The following TSHZ2 variants were observed in gnomAD, a reference collection of about 807,000 sequenced individuals.
TSHZ2 encodes teashirt homolog 2.
A neutral mutation model predicts 74.4 loss-of-function variants in TSHZ2; 21 were observed. The observed-to-expected ratio is 0.28, with a 90% CI of 0.20 to 0.41. The LOEUF (loss-of-function observed/expected upper bound fraction) is 0.41. Among genes scored for constraint, TSHZ2 ranks in the 10% least tolerant of loss-of-function variants. The pLI is 1.00. For synonymous variants in TSHZ2, 540 were observed against 515.3 expected (o/e 1.05, Z -0.65); for missense variants, 1,244 against 1,293.5 (o/e 0.96, Z 0.59).
chr20:53,337,350 A>G (rs1979993981), intron 2 of TSHZ2, among the ~76,000 whole-genome samples: 1 of 152,244 alleles, frequency 6.6e-6, no homozygotes, highest in Non-Finnish European at 1.5e-5. Flanking sequence ...TGCCATGTTG[A>G]CACATAAAAC....
chr20:53,317,933 C>T (rs1233553554), intron 2 of TSHZ2, among the ~76,000 whole-genome samples: 1 of 152,192 alleles, frequency 6.6e-6, no homozygotes, highest in Non-Finnish European at 1.5e-5. Flanking sequence ...ATGGCCTCAA[C>T]AAGTCTGTGA....
chr20:53,043,826 A>G (rs1568733408), intron 1 of TSHZ2, among the ~76,000 whole-genome samples: 1 of 152,148 alleles, frequency 6.6e-6, no homozygotes, highest in Non-Finnish European at 1.5e-5. Flanking sequence ...GTTTTCATGG[A>G]CAGCCAATGC....
At chr20:52,975,419 T>C (rs1222505366) in intron 1 of TSHZ2, among the ~76,000 whole-genome samples, 1 of 152,138 alleles carries the variant, frequency 6.6e-6, no homozygotes, top group Non-Finnish European at 1.5e-5. Context: ...AGGATCCAGG[T>C]GTACGTAACA....
At chr20:52,994,352 A>G (rs934930942) in intron 1 of TSHZ2, among the ~76,000 whole-genome samples, 1 of 151,736 alleles carries the variant, frequency 6.6e-6, no homozygotes, top group Non-Finnish European at 1.5e-5. Flanking sequence ...ATGAATGGAT[A>G]GATGGATTGA....
In TSHZ2 at chr20:53,133,969, G is replaced by GGAAAAAA. The variant is rs561152326; in HGVS notation, c.41-119530_41-119529insGAAAAAA. Among the ~76,000 whole-genome samples the GGAAAAAA allele has an allele frequency of 1.5e-3, 198 of 127,920 alleles. 1 individual carries two copies. The highest frequency in any genetic ancestry group is 5.6e-3 in the African/African-American group (188 of 33,528). 83.9% of individuals were successfully genotyped at this position (127,920 alleles called of 152,430 possible). On this transcript the variant is annotated intron_variant, in intron 1 of 2. Transcript: ENST00000371497. ...TGATAGATTTTTTACCATTTTTTCTGAAAAAAAAAAAAAAATAGGCCACGT... is the reference window on the plus strand; with the variant it reads ...TGATAGATTTTTTACCATTTTTTCTGGAAAAAAAAAAAAAAAAAAAAATAGGCCACGT...
Position 53,456,180 on chromosome 20 carries a change from G to C in TSHZ2, c.*9-30964G>C, listed in dbSNP as rs1182458920. ...GAACTAGTTTACAGTCCCACCAACA[G>C]TGTAAAAGTGTTCCTATTTCTCCAC... is the stretch of plus-strand genomic sequence containing the variant. On this transcript the variant is annotated intron_variant, in intron 2 of 2. Coordinates refer to ENST00000371497, the MANE Select transcript of TSHZ2 (RefSeq NM_173485.6). 2.0e-5 allele frequency among the ~76,000 whole-genome samples: 3 copies of C among 150,438 alleles called. No homozygotes were observed. The East Asian group carries it at 5.9e-4, about 29-fold the overall frequency.
intron 1 of TSHZ2, among the ~76,000 whole-genome samples, chr20:53,237,483 G>C (rs1036574118): frequency 7.0e-6 from 1 of 143,646 alleles, no homozygotes; most frequent in African/African-American, 2.8e-5. Context: ...GCCCTGCTCT[G>C]TCTCTCTCTT....
intron 2 of TSHZ2, among the ~76,000 whole-genome samples, chr20:53,297,328 C>T (rs573289247): frequency 1.6e-4 from 24 of 147,972 alleles, no homozygotes; most frequent in African/African-American, 5.5e-4. Context: ...AGGCTCACTG[C>T]AGCCTTGACC....
intron 1 of TSHZ2, among the ~76,000 whole-genome samples, chr20:53,211,725 TAAAG>T (rs972728092): frequency 6.6e-6 from 1 of 152,024 alleles, no homozygotes; most frequent in Non-Finnish European, 1.5e-5. Flanking sequence ...AAAACAATAA[TAAAG>T]AAGAACTTTT....
At chr20:53,011,906 G>C (rs894813089) in intron 1 of TSHZ2, among the ~76,000 whole-genome samples, 1 of 152,084 alleles carries the variant, frequency 6.6e-6, no homozygotes, top group Non-Finnish European at 1.5e-5. Context: ...CCTGGCAATG[G>C]TCCCTGCACT....
intron 2 of TSHZ2, among the ~76,000 whole-genome samples, chr20:53,300,471 A>G (rs1348678566): frequency 6.6e-6 from 1 of 152,180 alleles, no homozygotes; most frequent in Non-Finnish European, 1.5e-5. Flanking sequence ...CCCCTGGAAG[A>G]GATTTTCTTG....
intron 2 of TSHZ2, among the ~76,000 whole-genome samples, chr20:53,356,952 T>C (rs1440254895): frequency 6.6e-6 from 1 of 152,126 alleles, no homozygotes; most frequent in Non-Finnish European, 1.5e-5. Flanking sequence ...TTAGTGTGTG[T>C]GAATGTGTGT....
At chr20:53,429,954 G>C (rs1983782792) in intron 2 of TSHZ2, among the ~76,000 whole-genome samples, 1 of 152,142 alleles carries the variant, frequency 6.6e-6, no homozygotes, top group Non-Finnish European at 1.5e-5. Flanking sequence ...TCATCTGCTG[G>C]ATGCCAGGAC....
intron 1 of TSHZ2, among the ~76,000 whole-genome samples, chr20:53,081,945 G>C (rs1985550453): frequency 6.6e-6 from 1 of 151,078 alleles, no homozygotes; most frequent in Admixed American, 6.6e-5. Flanking sequence ...GCCCAGGCTG[G>C]AGTGCAGTCA....
chr20:53,088,609 A>C (rs1394264287), intron 1 of TSHZ2, among the ~76,000 whole-genome samples: 1 of 152,216 alleles, frequency 6.6e-6, no homozygotes, highest in Non-Finnish European at 1.5e-5. Flanking sequence ...AACTAAATTC[A>C]TATTTTTTTG....
At position 53,163,293 on chromosome 20, in the gene TSHZ2, T is replaced by A. The variant is rs150884660; in HGVS notation, c.41-90206T>A. Among the ~76,000 whole-genome samples, 200 of 150,560 alleles carry A rather than the reference T, an allele frequency of 1.3e-3. 2 individuals carry two copies. The highest frequency in any genetic ancestry group is 4.8e-3 in the African/African-American group (198 of 41,108). ...AGAATATGGCAAACATATTGGGATG[T>A]CACTTCCAAGATTAGGTTATAAAAA... is the stretch of plus-strand genomic sequence containing the variant. On this transcript the variant is annotated intron_variant, in intron 1 of 2. Coordinates refer to ENST00000371497, the MANE Select transcript of TSHZ2 (RefSeq NM_173485.6).
At chr20:53,474,536 C>T (rs1245433078) in intron 2 of TSHZ2, among the ~76,000 whole-genome samples, 2 of 124,098 alleles carry the variant, frequency 1.6e-5, no homozygotes, top group Admixed American at 8.6e-5. Flanking sequence ...ACAACCGGTA[C>T]CAGCCGCTGC....
Position 53,152,389 on chromosome 20 carries a change from CCCTAACCCTGACTCTCAG to C in TSHZ2, c.41-101097_41-101080del, listed in dbSNP as rs1244791681. On this transcript the variant is annotated intron_variant, in intron 1 of 2. Transcript: ENST00000371497. Reference sequence around the variant, plus strand: ...ACCCTGACCTTCACCCTAATCTTGACCCTAACCCTGACTCTCAGCCTAACCCTGACCTTTATCCTGACC... The same window carrying C: ...ACCCTGACCTTCACCCTAATCTTGACCCTAACCCTGACCTTTATCCTGACC... 5.3e-5 allele frequency among the ~76,000 whole-genome samples: 8 copies of C among 152,242 alleles called. No individual in the cohort carries two copies. The East Asian group carries it at 1.5e-3, about 29-fold the overall frequency.
At chr20:53,226,119 AACACACACACACAC>A (rs11470731) in intron 1 of TSHZ2, among the ~76,000 whole-genome samples, 112 of 147,646 alleles carry the variant, frequency 7.6e-4, no homozygotes, top group South Asian at 2.9e-3. Context: ...GACTAAATTT[AACACACACACACAC>A]ACACACACAC....
Sources: allele counts gnomAD v4.1 joint callset (sites outside exome capture counted in the v4.1 genomes callset), GRCh38; gene constraint gnomAD v4.1.1; transcripts MANE v1.5; gene names NCBI Gene and HGNC (gene_info 2026-07-23, HGNC 2026-07-21).